The following DMD variants were observed in gnomAD, a reference collection of about 807,000 sequenced individuals.
The protein encoded by DMD is dystrophin.
A neutral mutation model predicts 330.1 loss-of-function variants in DMD; 63 were observed. That is an observed-to-expected ratio of 0.19 (90% CI 0.16 to 0.24). The LOEUF (loss-of-function observed/expected upper bound fraction) is 0.24, where lower values mean the gene tolerates loss of function less well. DMD is among the 10% of genes least tolerant of loss of function. DMD has a pLI of 1.00. For synonymous variants in DMD, 1,223 were observed against 959.8 expected (o/e 1.27, Z -5.07); for missense variants, 3,344 against 2,684.1 (o/e 1.25, Z -5.43).
intron 44 of DMD, among the ~76,000 whole-genome samples, chrX:31,976,576 T>C (rs1480159301): frequency 9.0e-6 from 1 of 111,194 alleles, no homozygotes; most frequent in East Asian, 2.8e-4. Context: ...ATAATTAGCA[T>C]AATGTAGAAA....
chrX:31,338,818 C>T (rs1381813326), intron 61 of DMD, among the ~76,000 whole-genome samples: 2 of 109,643 alleles, frequency 1.8e-5, no homozygotes, highest in South Asian at 4.0e-4. Flanking sequence ...CACTCTGCAA[C>T]GCACATAAAT....
intron 30 of DMD, among the ~76,000 whole-genome samples, chrX:32,400,767 G>C (rs1463143566): frequency 7.5e-4 from 81 of 108,101 alleles, no homozygotes; most frequent in African/African-American, 9.2e-4. Context: ...GTGGAAGTCA[G>C]TGTGGCGATT....
chrX:33,052,838 G>C (rs1246741593), intron 1 of DMD, among the ~76,000 whole-genome samples: 4 of 104,383 alleles, frequency 3.8e-5, no homozygotes, highest in Non-Finnish European at 6.0e-5. Flanking sequence ...GTAACACAAA[G>C]GATAAATGCT....
chrX:31,528,100 T>C (rs191734855), intron 55 of DMD, among the ~76,000 whole-genome samples: 1 of 111,763 alleles, frequency 8.9e-6, no homozygotes, highest in South Asian at 3.8e-4. Context: ...CACAGAAGGA[T>C]AGGAATTGAG....
intron 2 of DMD, among the ~76,000 whole-genome samples, chrX:32,996,889 G>GA (rs1217456244): frequency 9.0e-6 from 1 of 111,198 alleles, no homozygotes; most frequent in Non-Finnish European, 1.9e-5. Context: ...AATGGAGAAA[G>GA]AAAAACATGT....
rs183999778 is a variant in DMD, at chrX:31,496,918, T to C, written c.8417A>G (p.Gln2806Arg). 2.5e-6 allele frequency: 3 copies of C among 1,208,138 alleles called. No individual in the cohort carries two copies. Among genetic ancestry groups the C allele is most frequent in the East Asian group, 5.9e-5 (2 of 33,715 alleles). ...IRSHLEASSDQWKRLHLSLQE... is the reference protein window; with the variant it reads ...IRSHLEASSDRWKRLHLSLQE... The stretch of plus-strand genomic sequence containing the variant: ...CAGAGAAAGGTGCAGACGCTTCCAC[T>C]GGTCAGAACTGGCTTCCAAATGGGA... The change falls in exon 57 of 79, where the codon CAG (glutamine) becomes CGG (arginine). Residue 2806 changes from glutamine (Q) to arginine (R), a missense_variant. Transcript: ENST00000357033.
intron 2 of DMD, among the ~76,000 whole-genome samples, chrX:32,868,764 C>G (rs902958849): frequency 1.8e-5 from 2 of 112,248 alleles, no homozygotes; most frequent in African/African-American, 6.5e-5. Flanking sequence ...TGGACCTGAG[C>G]CCCTAGGGGG....
intron 55 of DMD, among the ~76,000 whole-genome samples, chrX:31,547,139 A>C (rs183455488): frequency 1.7e-4 from 19 of 112,482 alleles, no homozygotes; most frequent in African/African-American, 5.2e-4. Flanking sequence ...TATGAAATGA[A>C]GGGGATTTAA....
chrX:33,055,726 G>A (rs2094509407), intron 1 of DMD, among the ~76,000 whole-genome samples: 1 of 111,347 alleles, frequency 9.0e-6, no homozygotes. Context: ...GGCTCTGGAG[G>A]AGTGGCTGAA....
At chrX:32,106,517 T>G (rs1486866300) in intron 44 of DMD, among the ~76,000 whole-genome samples, 6 of 112,003 alleles carry the variant, frequency 5.4e-5, no homozygotes, top group African/African-American at 1.6e-4. Context: ...TGCTTCAGTT[T>G]CTTCATCTGA....
At chrX:32,474,200 TACATACATACACACACAC>T (rs2040967499) in intron 21 of DMD, among the ~76,000 whole-genome samples, 6 of 104,916 alleles carry the variant, frequency 5.7e-5, no homozygotes, top group South Asian at 4.2e-4. Context: ...CATATATACA[TACATACATACACACACAC>T]ACACACACAC....
At chrX:31,845,108 G>A (rs1483244174) in intron 48 of DMD, among the ~76,000 whole-genome samples, 3 of 109,226 alleles carry the variant, frequency 2.7e-5, no homozygotes, top group African/African-American at 6.7e-5. Flanking sequence ...TATGAAGAAA[G>A]ATTAAAAAGA....
chrX:32,926,542 G>C (rs891642922), intron 2 of DMD, among the ~76,000 whole-genome samples: 7 of 110,950 alleles, frequency 6.3e-5, no homozygotes, highest in Non-Finnish European at 1.3e-4. Context: ...CTGAGCTCAG[G>C]AGTTCCTGAC....
At chrX:32,357,988 C>T (rs1490981212) in intron 37 of DMD, among the ~76,000 whole-genome samples, 2 of 110,080 alleles carry the variant, frequency 1.8e-5, no homozygotes, top group African/African-American at 6.6e-5. Context: ...ATCTAGTATC[C>T]ATGAACACAT....
chrX:32,737,877 T>A (rs1028154346), intron 7 of DMD, among the ~76,000 whole-genome samples: 1 of 111,387 alleles, frequency 9.0e-6, no homozygotes, highest in African/African-American at 3.3e-5. Context: ...CAAATTTATT[T>A]TTGCCCTCAC....
At chrX:32,450,280 C>G (rs938419855) in intron 26 of DMD, among the ~76,000 whole-genome samples, 1 of 110,890 alleles carries the variant, frequency 9.0e-6, no homozygotes, top group Non-Finnish European at 1.9e-5. Context: ...AGCATAATCA[C>G]CCTACTCCTT....
intron 44 of DMD, among the ~76,000 whole-genome samples, chrX:32,088,576 G>A (rs779982967): frequency 7.3e-5 from 8 of 109,160 alleles, no homozygotes; most frequent in Non-Finnish European, 1.1e-4. Flanking sequence ...AAGTAGTTTC[G>A]TAATAGGAGA....
intron 52 of DMD, among the ~76,000 whole-genome samples, chrX:31,702,520 C>G (rs915335734): frequency 8.9e-6 from 1 of 111,876 alleles, no homozygotes; most frequent in Admixed American, 9.5e-5. Context: ...CAAGAAGATG[C>G]CGAGTCACTT....
At chrX:32,280,161 T>TATATATATATATATATAC (rs1569555736) in intron 43 of DMD, among the ~76,000 whole-genome samples, 1 of 31,641 alleles carries the variant, frequency 3.2e-5, no homozygotes, top group African/African-American at 2.2e-4. Context: ...TATATATATA[T>TATATATATATATATATAC]ACAGTATATA....
Sources: allele counts gnomAD v4.1 joint callset (sites outside exome capture counted in the v4.1 genomes callset), GRCh38; gene constraint gnomAD v4.1.1; transcripts MANE v1.5; gene names NCBI Gene and HGNC (gene_info 2026-07-23, HGNC 2026-07-21).